DOCK10: variants seen among roughly 807,000 people sequenced by gnomAD.
DOCK10 encodes the protein dedicator of cytokinesis protein 10.
DOCK10 carries 145 observed loss-of-function variants against 280.1 expected under a neutral mutation model. The observed-to-expected ratio is 0.52, with a 90% CI of 0.45 to 0.59. DOCK10 has a LOEUF of 0.59. Among genes scored for constraint, DOCK10 ranks in the 20% least tolerant of loss-of-function variants. The pLI is 0.00. For synonymous variants in DOCK10, 915 were observed against 942.2 expected (o/e 0.97, Z 0.53); for missense variants, 2,368 against 2,651.7 (o/e 0.89, Z 2.35).
At chr2:224,935,966 T>C (rs573870296) in intron 1 of DOCK10, among the ~76,000 whole-genome samples, 1 of 152,210 alleles carries the variant, frequency 6.6e-6, no homozygotes, top group Admixed American at 6.5e-5. Context: ...ATGGAGAAAA[T>C]ATAGTCACCC....
intron 3 of DOCK10, among the ~76,000 whole-genome samples, chr2:224,896,820 C>G (rs1700014408): frequency 6.6e-6 from 1 of 152,186 alleles, no homozygotes; most frequent in Non-Finnish European, 1.5e-5. Flanking sequence ...AAGCTAGCAA[C>G]TTAAAGGTAG....
chr2:224,889,758 T>C (rs1326187169), intron 4 of DOCK10, among the ~76,000 whole-genome samples: 1 of 152,224 alleles, frequency 6.6e-6, no homozygotes, highest in Non-Finnish European at 1.5e-5. Context: ...CCTTTTCTCC[T>C]TAATACCATC....
rs1694651057 is a variant in DOCK10, at chr2:224,823,592, A to G, written c.3092T>C (p.Val1031Ala). ...AATCACATGGTCGGATAGGACCATG[A>G]CAAGATTGTCCAATTCATTTTGGTA... ...ESYQNELDNLVMVLSDHVIWK... is the reference protein window; with the variant it reads ...ESYQNELDNLAMVLSDHVIWK... Residue 1031 changes from valine to alanine, a missense_variant, in exon 28 of 56, where the codon GTC (valine) becomes GCC (alanine). Val to Ala is a moderately conservative substitution (Grantham distance 64, BLOSUM62 0). This residue lies in a region of DOCK10 where 1,209 missense variants were observed against 1,250.9 expected (regional missense o/e 0.97). Coordinates refer to ENST00000258390, the MANE Select transcript of DOCK10 (RefSeq NM_014689.3). 1.9e-6 allele frequency: 3 copies of G among 1,606,702 alleles called. No individual in the cohort carries two copies. The highest frequency in any genetic ancestry group is 2.5e-6 in the Non-Finnish European group (3 of 1,177,774).
chr2:224,785,588 C>G (rs1261976138), intron 50 of DOCK10, among the ~76,000 whole-genome samples: 6 of 152,284 alleles, frequency 3.9e-5, no homozygotes, highest in Admixed American at 3.9e-4. Flanking sequence ...TCACGCCATT[C>G]TCCTGCCTCA....
intron 48 of DOCK10, 22 bp from the exon 49 acceptor site, chr2:224,787,419 T>G (rs1361274158): frequency 6.2e-7 from 1 of 1,613,138 alleles, no homozygotes; most frequent in African/African-American, 1.3e-5. Context: ...CCAATCAAAA[T>G]AAGATTTTAC....
chr2:224,804,107 A>G lies in DOCK10; in HGVS notation c.4268+5T>C, dbSNP rs1693211298. On this transcript the variant is annotated splice_donor_5th_base_variant and intron_variant, in intron 39 of 55. Coordinates refer to ENST00000258390, the MANE Select transcript of DOCK10 (RefSeq NM_014689.3). ...ATTTTAAATACCAAGCAAATGTGACATTACCATTGTGACAAGAGACCTGAT... is the reference window on the plus strand; with the variant it reads ...ATTTTAAATACCAAGCAAATGTGACGTTACCATTGTGACAAGAGACCTGAT... The G allele has an allele frequency of 3.8e-6, 6 of 1,590,914 alleles. No homozygotes were observed. Among genetic ancestry groups the G allele is most frequent in the Admixed American group, 1.7e-5 (1 of 59,574 alleles).
intron 1 of DOCK10, among the ~76,000 whole-genome samples, chr2:224,985,250 C>A (rs1705940920): frequency 6.6e-6 from 1 of 151,916 alleles, no homozygotes. Flanking sequence ...ATGCTAGAAA[C>A]AAGATTTTTA....
intron 55 of DOCK10, among the ~76,000 whole-genome samples, chr2:224,766,677 C>T (rs1467844810): frequency 6.6e-6 from 1 of 152,228 alleles, no homozygotes; most frequent in East Asian, 1.9e-4. Context: ...TACCCATCAT[C>T]ACAGTTGACT....
intron 7 of DOCK10, among the ~76,000 whole-genome samples, chr2:224,879,290 G>C (rs1197732295): frequency 1.3e-5 from 2 of 152,146 alleles, no homozygotes; most frequent in Non-Finnish European, 2.9e-5. Context: ...TCCTCCACGT[G>C]TCCTCACACA....
intron 26 of DOCK10, among the ~76,000 whole-genome samples, chr2:224,833,339 T>C (rs1695368766): frequency 1.3e-5 from 2 of 152,062 alleles, no homozygotes; most frequent in African/African-American, 4.8e-5. Context: ...TTCTGCTCAC[T>C]TGGCTCCAGC....
Position 224,806,191 on chromosome 2 carries a change from G to C in DOCK10, c.3749C>G (p.Thr1250Arg). Residue 1250 changes from threonine (T) to arginine (R), a missense_variant, in exon 34 of 56, where the codon ACA becomes AGA. Thr to Arg is a moderately conservative substitution (Grantham distance 71). This residue lies in a region of DOCK10 where 1,159 missense variants were observed against 1,400.8 expected (regional missense o/e 0.83). Transcript: ENST00000258390. ...LSTNGGFQSQ[T>R]AIKHANSVDT... ...CACAGAGTTTGCATGTTTGATAGCTGTCTGGCTTTGAAATCCTCCATTGGT... is the reference window on the plus strand; with the variant it reads ...CACAGAGTTTGCATGTTTGATAGCTCTCTGGCTTTGAAATCCTCCATTGGT... The C allele has an allele frequency of 6.2e-7, 1 of 1,611,040 alleles. No individual in the cohort carries two copies. The highest frequency in any genetic ancestry group is 8.5e-7 in the Non-Finnish European group (1 of 1,178,238).
At chr2:224,799,693 T>C (rs1692838239) in intron 41 of DOCK10, among the ~76,000 whole-genome samples, 1 of 152,246 alleles carries the variant, frequency 6.6e-6, no homozygotes, top group Non-Finnish European at 1.5e-5. Flanking sequence ...ATGGTCAGTC[T>C]TTTTAACTTT....
chr2:224,918,086 T>G (rs1365144290), intron 2 of DOCK10, among the ~76,000 whole-genome samples: 2 of 152,238 alleles, frequency 1.3e-5, no homozygotes, highest in Non-Finnish European at 2.9e-5. Context: ...CAGACCTTGC[T>G]GGCAGCTCTG....
intron 11 of DOCK10, among the ~76,000 whole-genome samples, chr2:224,866,573 A>G (rs1697922380): frequency 6.6e-6 from 1 of 152,136 alleles, no homozygotes; most frequent in Admixed American, 6.6e-5. Flanking sequence ...CTTCATCTCC[A>G]TTGATAACTT....
At chr2:224,963,996 CTTT>C (rs66476455) in intron 1 of DOCK10, among the ~76,000 whole-genome samples, 33 of 122,750 alleles carry the variant, frequency 2.7e-4, no homozygotes, top group Non-Finnish European at 3.6e-4. Context: ...GTCTAAAATT[CTTT>C]TTTTTTTTTT....
intron 51 of DOCK10, among the ~76,000 whole-genome samples, chr2:224,777,691 C>T (rs1051601988): frequency 2.0e-5 from 3 of 152,172 alleles, no homozygotes; most frequent in Non-Finnish European, 4.4e-5. Flanking sequence ...TGGGACTCCA[C>T]CCTGTGATCG....
chr2:224,776,644 A>AAC (rs938516678), intron 51 of DOCK10, among the ~76,000 whole-genome samples: 1 of 152,098 alleles, frequency 6.6e-6, no homozygotes, highest in Non-Finnish European at 1.5e-5. Flanking sequence ...AAAAAAAAAA[A>AAC]AGAACTCTTC....
chr2:224,997,879 G>A (rs1706318421), intron 1 of DOCK10, among the ~76,000 whole-genome samples: 1 of 152,196 alleles, frequency 6.6e-6, no homozygotes, highest in Non-Finnish European at 1.5e-5. Flanking sequence ...GCAGAGGGAA[G>A]ACTGGTGGCT....
At chr2:224,975,112 TA>T (rs1181472587) in intron 1 of DOCK10, among the ~76,000 whole-genome samples, 1 of 151,920 alleles carries the variant, frequency 6.6e-6, no homozygotes, top group African/African-American at 2.4e-5. Flanking sequence ...TTTGGAGAAT[TA>T]AAAAGATGCA....
Sources: gnomAD v4.1 joint callset for allele counts (sites outside exome capture counted in the v4.1 genomes callset) on GRCh38, gnomAD v4.1.1 for gene constraint, gnomAD v4.1.1 regional missense constraint, MANE v1.5 for transcripts, NCBI Gene and HGNC (gene_info 2026-07-23, HGNC 2026-07-21) for gene names.